Variants in SYNPR observed in about 807,000 individuals in gnomAD.
SYNPR encodes synaptoporin.
SYNPR carries 23 observed loss-of-function variants against 32.9 expected under a neutral mutation model. The observed-to-expected ratio is 0.70, with a 90% CI of 0.50 to 0.99. The LOEUF (loss-of-function observed/expected upper bound fraction) is 0.99, where lower values mean the gene tolerates loss of function less well. Ranked by LOEUF, SYNPR falls within the 50% of genes least tolerant of loss-of-function variation. The pLI is 0.00. For missense variants in SYNPR, 318 were observed against 349.3 expected (o/e 0.91, Z 0.71); for synonymous variants, 146 against 135.9 (o/e 1.07, Z -0.52).
intron 4 of SYNPR, among the ~76,000 whole-genome samples, chr3:63,589,037 C>G (rs1020287014): frequency 4.6e-5 from 7 of 152,068 alleles, no homozygotes; most frequent in African/African-American, 1.7e-4. Context: ...TATCAACATG[C>G]ATTTTTCCTA....
intron 2 of SYNPR, among the ~76,000 whole-genome samples, chr3:63,373,153 A>G (rs2087842474): frequency 1.3e-5 from 2 of 152,194 alleles, no homozygotes; most frequent in African/African-American, 4.8e-5. Context: ...TAACTCTGGC[A>G]GCTCAAAAAG....
At chr3:63,583,440 T>C (rs1299788964) in intron 4 of SYNPR, among the ~76,000 whole-genome samples, 3 of 152,100 alleles carry the variant, frequency 2.0e-5, no homozygotes, top group South Asian at 2.1e-4. Context: ...TATAAGTTTC[T>C]TCTGGGGATT....
At chr3:63,284,103 C>T (rs2086658300) in intron 2 of SYNPR, among the ~76,000 whole-genome samples, 1 of 152,150 alleles carries the variant, frequency 6.6e-6, no homozygotes, top group Admixed American at 6.5e-5. Flanking sequence ...CTACCATGCC[C>T]GACCCACAGG....
intron 4 of SYNPR, among the ~76,000 whole-genome samples, chr3:63,567,065 T>C (rs181309752): frequency 6.6e-6 from 1 of 152,184 alleles, no homozygotes; most frequent in Non-Finnish European, 1.5e-5. Context: ...ATATTATTTT[T>C]TGTTCTCTGA....
At chr3:63,305,176 G>A (rs146613587) in intron 2 of SYNPR, among the ~76,000 whole-genome samples, 22 of 152,122 alleles carry the variant, frequency 1.4e-4, no homozygotes, top group Admixed American at 2.6e-4. Flanking sequence ...GGGAGGGAAT[G>A]AGCCTATGTA....
intron 2 of SYNPR, among the ~76,000 whole-genome samples, chr3:63,459,591 G>T (rs1700544399): frequency 1.3e-5 from 2 of 151,862 alleles, no homozygotes; most frequent in African/African-American, 4.8e-5. Flanking sequence ...CACTGGACAG[G>T]GTATGGGCAA....
At chr3:63,250,572 A>G (rs1575575912) in intron 1 of SYNPR, among the ~76,000 whole-genome samples, 1 of 152,286 alleles carries the variant, frequency 6.6e-6, no homozygotes, top group Non-Finnish European at 1.5e-5. Flanking sequence ...CATGGTCAAC[A>G]TGTGGTTAGT....
At chr3:63,331,537 C>G (rs1336918186) in intron 2 of SYNPR, among the ~76,000 whole-genome samples, 2 of 152,064 alleles carry the variant, frequency 1.3e-5, no homozygotes, top group African/African-American at 4.8e-5. Context: ...CTTAAATGCT[C>G]ACGTATCTTT....
chr3:63,357,819 G>C (rs2087603603), intron 2 of SYNPR, among the ~76,000 whole-genome samples: 1 of 152,164 alleles, frequency 6.6e-6, no homozygotes, highest in Admixed American at 6.5e-5. Context: ...ATGCTTACAT[G>C]AATTAAAACT....
chr3:63,547,188 T>C (rs141745673), intron 3 of SYNPR, among the ~76,000 whole-genome samples: 49 of 152,268 alleles, frequency 3.2e-4, no homozygotes, highest in African/African-American at 1.2e-3. Flanking sequence ...AATAAAGATA[T>C]CTTAGATAGA....
At chr3:63,423,407 G>C (rs1004052282) in intron 2 of SYNPR, among the ~76,000 whole-genome samples, 5 of 152,206 alleles carry the variant, frequency 3.3e-5, no homozygotes, top group Non-Finnish European at 7.3e-5. Flanking sequence ...CCAGCGAGGA[G>C]ACAGGAGAAG....
chr3:63,567,786 T>C (rs1702817170), intron 4 of SYNPR, among the ~76,000 whole-genome samples: 1 of 152,212 alleles, frequency 6.6e-6, no homozygotes, highest in Non-Finnish European at 1.5e-5. Context: ...ACAAGGTTAT[T>C]GAAAACACTT....
intron 2 of SYNPR, among the ~76,000 whole-genome samples, chr3:63,412,465 C>A (rs2088479160): frequency 2.0e-5 from 3 of 152,064 alleles, no homozygotes; most frequent in Admixed American, 6.6e-5. Flanking sequence ...ACTGGAGATA[C>A]AGAATCAAGA....
chr3:63,220,107 G>A, the SYNPR span, among the ~76,000 whole-genome samples: 1 of 152,196 alleles, frequency 6.6e-6, no homozygotes, highest in Non-Finnish European at 1.5e-5. Context: ...CTGGCACAGA[G>A]CAAGTGCTCA....
intron 2 of SYNPR, among the ~76,000 whole-genome samples, chr3:63,321,216 A>G (rs2087107658): frequency 6.6e-6 from 1 of 152,092 alleles, no homozygotes; most frequent in Non-Finnish European, 1.5e-5. Context: ...CATTTTGCCA[A>G]AATATGACTT....
At chr3:63,207,600 T>C in the SYNPR span, among the ~76,000 whole-genome samples, 4 of 152,098 alleles carry the variant, frequency 2.6e-5, no homozygotes, top group Non-Finnish European at 4.4e-5. Context: ...CACAACACAA[T>C]AGTCATAACT....
chr3:63,307,336 CCTT>C (rs991422552), intron 2 of SYNPR, among the ~76,000 whole-genome samples: 1 of 151,996 alleles, frequency 6.6e-6, no homozygotes, highest in Non-Finnish European at 1.5e-5. Context: ...ACCCTTATCA[CCTT>C]CTTAAATGAG....
At chr3:63,262,854 G>A (rs1353475488) in intron 2 of SYNPR, among the ~76,000 whole-genome samples, 1 of 152,170 alleles carries the variant, frequency 6.6e-6, no homozygotes, top group Non-Finnish European at 1.5e-5. Context: ...CTTATGTTGG[G>A]CTCACAGTCA....
intron 3 of SYNPR, among the ~76,000 whole-genome samples, chr3:63,541,052 T>C (rs548479161): frequency 8.8e-4 from 133 of 151,674 alleles, no homozygotes; most frequent in African/African-American, 3.1e-3. Flanking sequence ...GTGACCTAAT[T>C]TGAAGTTTTT....
Sources: gnomAD v4.1 joint callset for allele counts (sites outside exome capture counted in the v4.1 genomes callset) on GRCh38, gnomAD v4.1.1 for gene constraint, MANE v1.5 for transcripts, NCBI Gene and HGNC (gene_info 2026-07-23, HGNC 2026-07-21) for gene names.